MUC6: variants seen among roughly 807,000 people sequenced by gnomAD.
MUC6 encodes the protein mucin 6, oligomeric mucus/gel-forming (gene/pseudogene).
MUC6 carries 188 observed loss-of-function variants against 201.5 expected under a neutral mutation model. The observed-to-expected ratio is 0.93, with a 90% CI of 0.83 to 1.05. MUC6 has a LOEUF of 1.05. MUC6 is among the 50% of genes least tolerant of loss of function. The pLI is 0.00. For synonymous variants in MUC6, 1,228 were observed against 1,389.4 expected (o/e 0.88, Z 2.58); for missense variants, 2,706 against 3,256.9 (o/e 0.83, Z 4.12).
At chr11:1,013,694 TC>T in intron 32 of MUC6, 61 bp from the exon 33 acceptor site, 1 of 1,500,326 alleles carries the variant, frequency 6.7e-7, no homozygotes, top group Non-Finnish European at 9.0e-7. Flanking sequence ...GGCCCCTCCC[TC>T]CCCAGGGCAG....
At chr11:1,019,185 G>A in intron 30 of MUC6, 90 bp downstream of exon 30, 1 of 1,398,990 alleles carries the variant, frequency 7.1e-7, no homozygotes, top group Non-Finnish European at 1.0e-6. Context: ...GAAATACGGG[G>A]TCTTCTTTAT....
intron 30 of MUC6, 125 bp downstream of exon 30, chr11:1,019,150 G>T: frequency 8.7e-7 from 1 of 1,144,728 alleles, no homozygotes; most frequent in Non-Finnish European, 1.3e-6. Flanking sequence ...TACACTTTTG[G>T]GCTGCCTTCT....
At position 1,018,497 on chromosome 11, in the gene MUC6, G is replaced by T. The variant is rs752733662; in HGVS notation, c.4304C>A (p.Thr1435Asn). Residue 1435 changes from threonine (T) to asparagine (N), a missense_variant, in exon 31 of 33, where the codon ACC becomes AAC. Thr to Asn is a moderately conservative substitution (Grantham distance 65). This residue lies in a region of MUC6 where 128 missense variants were observed against 206.5 expected (regional missense o/e 0.62). Coordinates refer to ENST00000421673, the MANE Select transcript of MUC6 (RefSeq NM_005961.3). ...TSFHATTTYPTPSHPETTLPT... is the reference protein window; with the variant it reads ...TSFHATTTYPNPSHPETTLPT... ...AAGTGTGGTCTCAGGGTGTGATGGG[G>T]TTGGATAGGTAGTGGTGGCATGGAA... 2.4e-5 allele frequency: 39 copies of T among 1,613,818 alleles called. No individual in the cohort carries two copies. In the Admixed American group the frequency reaches 6.3e-4, roughly 26 times the overall value.
rs1342244897 is a variant in MUC6 at position 1,029,428 on chromosome 11, C to CCCTG, written c.1136+63_1137-63dup. 32 of 1,598,182 alleles carry CCCTG rather than the reference C, an allele frequency of 2.0e-5. No individual in the cohort carries two copies. The Admixed American group carries it at 4.8e-4, about 24-fold the overall frequency. On this transcript the variant is annotated intron_variant, in intron 9 of 32. Coordinates refer to ENST00000421673, the MANE Select transcript of MUC6 (RefSeq NM_005961.3). ...GGGCCGCTGGAGCCAGACAGCACAC[C>CCCTG]CCTGCCTGCCCTAGGCCAGTGGAAC...
intron 11 of MUC6, 31 bp downstream of exon 11, chr11:1,029,015 C>A: frequency 6.2e-7 from 1 of 1,612,744 alleles, no homozygotes; most frequent in Middle Eastern, 1.6e-4. Flanking sequence ...CGGAGCCCTG[C>A]TGGCAGGGAT....
chr11:1,022,163 C>T (rs1432105594), intron 26 of MUC6, among the ~76,000 whole-genome samples: 1 of 148,870 alleles, frequency 6.7e-6, no homozygotes, highest in African/African-American at 2.5e-5. Flanking sequence ...CCCTCACTCG[C>T]TCCCTCTGCC....
chr11:1,020,861 T>TGGGAGCCCACCCTC (rs1332578404), intron 27 of MUC6, 127 bp from the exon 28 acceptor site: 1 of 1,239,510 alleles, frequency 8.1e-7, no homozygotes, highest in Non-Finnish European at 1.1e-6. Flanking sequence ...CTGGAGGGGC[T>TGGGAGCCCACCCTC]GGGAGCCCAC....
chr11:1,019,593 C>G, intron 29 of MUC6, 97 bp from the exon 30 acceptor site: 1 of 1,152,102 alleles, frequency 8.7e-7, no homozygotes, highest in Non-Finnish European at 1.3e-6. Flanking sequence ...GATCCCTGGC[C>G]TGCTGTCCGG....
Position 1,016,251 on chromosome 11 carries a change from A to G in MUC6, c.6550T>C (p.Ser2184Pro), listed in dbSNP as rs1484201025. ...ACTGATGCAGTCGTGGGATGAGTGGACAATGAGGAGTGTGACCCCGAGCTC... is the reference window on the plus strand; with the variant it reads ...ACTGATGCAGTCGTGGGATGAGTGGGCAATGAGGAGTGTGACCCCGAGCTC... ...TLSSGSHSSLSTHPTTASVSA... is the reference protein window; with the variant it reads ...TLSSGSHSSLPTHPTTASVSA... Residue 2184 changes from serine to proline, a missense_variant, in exon 31 of 33, where the codon TCC becomes CCC. By Grantham distance (74) the Ser-to-Pro change is moderately conservative. This residue lies in a region of MUC6 where 586 missense variants were observed against 488.0 expected (regional missense o/e 1.20). Coordinates refer to ENST00000421673, the MANE Select transcript of MUC6 (RefSeq NM_005961.3). The G allele has an allele frequency of 1.9e-6, 3 of 1,613,134 alleles. No individual in the cohort carries two copies. The highest frequency in any genetic ancestry group is 2.5e-6 in the Non-Finnish European group (3 of 1,179,746).
At position 1,023,908 on chromosome 11, in the gene MUC6, CAG is replaced by C. The variant is rs1319547754; in HGVS notation, c.3382+37_3382+38del. ...GCCGGCCCTTAGTGGCGCTGGGTGG[CAG>C]GGGCTGGAGCAACCTGTGGGAGGGG... On this transcript the variant is annotated intron_variant, in intron 25 of 32. Coordinates refer to ENST00000421673, the MANE Select transcript of MUC6 (RefSeq NM_005961.3). 4 of 1,601,164 alleles carry C rather than the reference CAG, an allele frequency of 2.5e-6. No homozygotes were observed. The African/African-American group carries it at 4.0e-5, about 16-fold the overall frequency.
chr11:1,021,897 C>T (rs1449972748), intron 26 of MUC6, among the ~76,000 whole-genome samples: 3 of 152,200 alleles, frequency 2.0e-5, no homozygotes, highest in South Asian at 2.1e-4. Context: ...CACCCTCCTC[C>T]ACCACTTGGG....
At chr11:1,023,429 T>C in intron 26 of MUC6, 80 bp downstream of exon 26, 1 of 1,466,398 alleles carries the variant, frequency 6.8e-7, no homozygotes, top group Non-Finnish European at 9.2e-7. Flanking sequence ...AATGAATGAA[T>C]GCGTGTGAAT....
Position 1,016,776 on chromosome 11 carries a change from C to G in MUC6, c.6025G>C (p.Val2009Leu), listed in dbSNP as rs33988517. The change falls in exon 31 of 33, where the codon GTT becomes CTT. Residue 2009 changes from valine to leucine, a missense_variant. This residue lies in a region of MUC6 where 2 missense variants were observed against 60.4 expected (regional missense o/e 0.03). Transcript: ENST00000421673. The part of the protein sequence containing the change: ...SHPQTTLPTH[V>L]PPFSTSLVTP... ...ACCAAGGAGGTGGAGAAAGGTGGAA[C>G]GTGAGTGGGAAGTGTGGTCTGAGGG... is the stretch of plus-strand genomic sequence containing the variant. 25,966 of 1,611,772 alleles carry G rather than the reference C, an allele frequency of 0.016. No individual in the cohort carries two copies. The highest frequency in any genetic ancestry group is 0.062 in the East Asian group (2,770 of 44,838).
intron 31 of MUC6, 27 bp downstream of exon 31, chr11:1,015,735 G>T: frequency 6.6e-7 from 1 of 1,521,908 alleles, no homozygotes. Context: ...GTGAGGCCAG[G>T]AGAAGGGCCA....
chr11:1,026,340 C>T lies in MUC6; in HGVS notation c.2533G>A (p.Asp845Asn). ...GCTTTGTCTCACCAGGTCCTGCAGT[C>T]AGTGTGGAGCTCAGCTCCTCCAGGG... is the stretch of plus-strand genomic sequence containing the variant. Reference protein sequence around the residue: ...SYPGGAELHTDCRTCSCSRGR... With the variant: ...SYPGGAELHTNCRTCSCSRGR... Residue 845 changes from aspartate (D) to asparagine (N), a missense_variant, in exon 20 of 33, where the codon GAC (aspartate) becomes AAC (asparagine). Physicochemically the swap from Asp to Asn is conservative, Grantham distance 23. Around this residue, in one of 10 missense-constraint regions of MUC6, gnomAD observed 1,850 missense variants for 1,958.3 expected, o/e 0.94. Coordinates refer to ENST00000421673, the MANE Select transcript of MUC6 (RefSeq NM_005961.3). The T allele has an allele frequency of 1.3e-6, 2 of 1,584,742 alleles. No homozygotes were observed.
Position 1,014,121 on chromosome 11 carries a change from TCTCC to T in MUC6, c.7040-124_7040-121del, listed in dbSNP as rs1856546811. On this transcript the variant is annotated intron_variant, in intron 31 of 32. Transcript: ENST00000421673. Reference sequence around the variant, plus strand: ...CTGGACTCTCCTGCCCAAGGTGTGGTCTCCCCTTGTGGAGCCCCACAGAGCTCAG... The same window carrying T: ...CTGGACTCTCCTGCCCAAGGTGTGGTCCTTGTGGAGCCCCACAGAGCTCAG... 3 of 803,534 alleles carry T rather than the reference TCTCC, an allele frequency of 3.7e-6. No homozygotes were observed. The African/African-American group carries it at 5.1e-5, about 14-fold the overall frequency. The allele number at this position is 803,534 out of a possible 1,614,324, so 49.8% of individuals were successfully genotyped here. A position where few individuals can be genotyped will look rare whatever the true frequency, so the allele number is the denominator to read the frequency against.
chr11:1,028,684 T>C lies in MUC6; in HGVS notation c.1553A>G (p.Tyr518Cys). The change falls in exon 13 of 33, where the codon TAT becomes TGT. Residue 518 changes from tyrosine (Y) to cysteine (C), a missense_variant. Tyr to Cys is a radical substitution (Grantham distance 194). Around this residue, in one of 10 missense-constraint regions of MUC6, gnomAD observed 1,850 missense variants for 1,958.3 expected, o/e 0.94. Transcript: ENST00000421673. ...TCTGAACTGGGGCCCAACAGTGACA[T>C]AGGCCTGGAAGATGGGGCGCAGCTG... ...VVQLRPIFQA[Y>C]VTVGPQFRGQ... 1.2e-6 allele frequency: 2 copies of C among 1,610,782 alleles called. No individual in the cohort carries two copies. The highest frequency in any genetic ancestry group is 1.1e-5 in the South Asian group (1 of 90,578).
Position 1,029,068 on chromosome 11 carries a change from G to A in MUC6, c.1358C>T (p.Ala453Val). 1 of 1,612,890 alleles carries A rather than the reference G, an allele frequency of 6.2e-7. No individual in the cohort carries two copies. The highest frequency in any genetic ancestry group is 8.5e-7 in the Non-Finnish European group (1 of 1,179,836). Reference sequence around the variant, plus strand: ...TACCTGCCTGGAGAGGTAGACCACAGCCACCAGGGAGGTCTCGGAGTGTGA... The same window carrying A: ...TACCTGCCTGGAGAGGTAGACCACAACCACCAGGGAGGTCTCGGAGTGTGA... The part of the protein sequence containing the change: ...GVSHSETSLV[A>V]VVYLSRQDKI... Residue 453 changes from alanine (A) to valine (V), a missense_variant, in exon 11 of 33, where the codon GCT becomes GTT. Around this residue, in one of 10 missense-constraint regions of MUC6, gnomAD observed 1,850 missense variants for 1,958.3 expected, o/e 0.94. Coordinates refer to ENST00000421673, the MANE Select transcript of MUC6 (RefSeq NM_005961.3).
intron 2 of MUC6, 118 bp downstream of exon 2, chr11:1,032,895 G>T: frequency 1.3e-6 from 1 of 797,712 alleles, no homozygotes; most frequent in Non-Finnish European, 2.0e-6. Context: ...TCATGTTGGT[G>T]CATATATGTG....
Sources: allele counts gnomAD v4.1 joint callset (sites outside exome capture counted in the v4.1 genomes callset), GRCh38; gene constraint gnomAD v4.1.1; regional missense constraint gnomAD v4.1.1; transcripts MANE v1.5; gene names NCBI Gene and HGNC (gene_info 2026-07-23, HGNC 2026-07-21).